The following TUT4 variants were observed in gnomAD, a reference collection of about 807,000 sequenced individuals.
TUT4 encodes the protein terminal uridylyltransferase 4.
In TUT4, 36 loss-of-function variants were observed where a neutral mutation model predicts 192.2. The observed-to-expected ratio is 0.19, with a 90% CI of 0.14 to 0.25. TUT4 has a LOEUF of 0.25. TUT4 is among the 10% of genes least tolerant of loss of function. The pLI is 1.00. For missense variants in TUT4, 1,493 were observed against 1,957.2 expected (o/e 0.76, Z 4.47); for synonymous variants, 618 against 666.0 (o/e 0.93, Z 1.11).
intron 29 of TUT4, chr1:52,424,790 TTAA>T (rs1478666261): frequency 5.9e-5 from 9 of 152,264 alleles, no homozygotes; most frequent in Non-Finnish European, 1.3e-4. Context: ...CTAAAAACCT[TTAA>T]TTAGGTCCCC....
In TUT4 at chr1:52,543,034, C is replaced by T. The variant is rs147033804; in HGVS notation, c.-94+9897G>A. Among the ~76,000 whole-genome samples the T allele has an allele frequency of 4.6e-3, 701 of 152,236 alleles. 3 individuals are homozygous for T. Among genetic ancestry groups the T allele is most frequent in the Admixed American group, 0.01 (155 of 15,290 alleles). Reference sequence around the variant, plus strand: ...CCTCCCAAAGTGCTGGGATTACAGGCGTGAGCCACCATGCCCGGCCTGTGT... The same window carrying T: ...CCTCCCAAAGTGCTGGGATTACAGGTGTGAGCCACCATGCCCGGCCTGTGT... On this transcript the variant is annotated intron_variant, in intron 1 of 29. Transcript: ENST00000257177.
intron 12 of TUT4, among the ~76,000 whole-genome samples, chr1:52,476,699 T>C (rs1279035768): frequency 2.0e-5 from 3 of 152,194 alleles, no homozygotes; most frequent in Non-Finnish European, 2.9e-5. Flanking sequence ...CTGGCAGGCT[T>C]CAGAGCTCAT....
rs769838040 is a variant in TUT4, at chr1:52,438,359, TAGG to T, written c.3823-27_3823-25del. ...TCCTAGGGAGAAAATGCAATTTTAC[TAGG>T]AGGAATCACTATAAAACTTTTGAAT... is the stretch of plus-strand genomic sequence containing the variant. On this transcript the variant is annotated intron_variant, in intron 24 of 29. Coordinates refer to ENST00000257177, the MANE Select transcript of TUT4 (RefSeq NM_001009881.3). The T allele has an allele frequency of 2.1e-5, 33 of 1,547,724 alleles. No homozygotes were observed. In the East Asian group the frequency reaches 6.8e-4, roughly 32 times the overall value.
chr1:52,486,151 TCTG>T (rs1356361648), intron 9 of TUT4, among the ~76,000 whole-genome samples: 1 of 152,150 alleles, frequency 6.6e-6, no homozygotes, highest in Admixed American at 6.5e-5. Flanking sequence ...GTCAATATAT[TCTG>T]CTAACATTAC....
At chr1:52,495,744 A>C (rs1672295121) in intron 5 of TUT4, among the ~76,000 whole-genome samples, 1 of 152,174 alleles carries the variant, frequency 6.6e-6, no homozygotes, top group Non-Finnish European at 1.5e-5. Flanking sequence ...ACAGAAGCTT[A>C]CTGTTTAAAC....
chr1:52,469,160 A>G (rs1018363957), intron 14 of TUT4, among the ~76,000 whole-genome samples: 6 of 152,234 alleles, frequency 3.9e-5, no homozygotes, highest in African/African-American at 1.4e-4. Flanking sequence ...TTTGCAGCAC[A>G]AAGAGTGAGC....
In TUT4 at chr1:52,463,616, T is replaced by G. The variant is rs187363861; in HGVS notation, c.3069+1454A>C. The G allele has an allele frequency of 4.6e-6, 6 of 1,297,590 alleles. No homozygotes were observed. The African/African-American group carries it at 9.1e-5, about 20-fold the overall frequency. 80.4% of individuals were successfully genotyped at this position (1,297,590 alleles called of 1,614,324 possible). On this transcript the variant is annotated intron_variant, in intron 16 of 29. Coordinates refer to ENST00000257177, the MANE Select transcript of TUT4 (RefSeq NM_001009881.3). ...CCAATCTTGCAAACAGTCCCGCATTTTGAAACATAAATAACAATAGCTAGG... is the reference window on the plus strand; with the variant it reads ...CCAATCTTGCAAACAGTCCCGCATTGTGAAACATAAATAACAATAGCTAGG...
chr1:52,464,686 A>C (rs1663617792), intron 16 of TUT4, among the ~76,000 whole-genome samples: 1 of 152,234 alleles, frequency 6.6e-6, no homozygotes, highest in African/African-American at 2.4e-5. Context: ...ATAGTAACAC[A>C]AAGACATCAT....
chr1:52,529,405 T>C (rs1682743451), intron 1 of TUT4, among the ~76,000 whole-genome samples: 3 of 152,218 alleles, frequency 2.0e-5, no homozygotes, highest in Admixed American at 6.5e-5. Context: ...TCAAAACATA[T>C]GACTATTTCT....
At chr1:52,471,820 T>C in intron 14 of TUT4, 132 bp downstream of exon 14, 1 of 895,882 alleles carries the variant, frequency 1.1e-6, no homozygotes, top group Non-Finnish European at 1.6e-6. Flanking sequence ...TTAGTAAATA[T>C]CTGTGCTTGG....
At chr1:52,448,869 T>A (rs1014174984) in intron 20 of TUT4, among the ~76,000 whole-genome samples, 2 of 152,244 alleles carry the variant, frequency 1.3e-5, no homozygotes, top group East Asian at 3.8e-4. Context: ...TGATTGTTTT[T>A]AAGAGATTTC....
Position 52,423,888 on chromosome 1 carries a change from C to T in TUT4, c.*47G>A, listed in dbSNP as rs1314951434. ...GATACCCTTGAGACAGCAGGATTGGCTGGTTGCTGTGCATCGGTAGACCAG... is the reference window on the plus strand; with the variant it reads ...GATACCCTTGAGACAGCAGGATTGGTTGGTTGCTGTGCATCGGTAGACCAG... On this transcript the variant is annotated 3_prime_UTR_variant, in exon 30 of 30. Coordinates refer to ENST00000257177, the MANE Select transcript of TUT4 (RefSeq NM_001009881.3). 1 of 1,601,150 alleles carries T rather than the reference C, an allele frequency of 6.2e-7. No individual in the cohort carries two copies. Among genetic ancestry groups the T allele is most frequent in the Admixed American group, 1.7e-5 (1 of 57,980 alleles).
intron 1 of TUT4, among the ~76,000 whole-genome samples, chr1:52,543,006 C>T (rs964825111): frequency 6.6e-6 from 1 of 152,170 alleles, no homozygotes. Context: ...CCACCCACCT[C>T]AGCCTCCCAA....
chr1:52,542,839 G>A (rs933339761), intron 1 of TUT4, among the ~76,000 whole-genome samples: 3 of 151,406 alleles, frequency 2.0e-5, no homozygotes, highest in South Asian at 2.1e-4. Context: ...TCGGCTCACC[G>A]CAACCTCCGC....
At chr1:52,443,064 ACC>A in intron 24 of TUT4, among the ~76,000 whole-genome samples, 1 of 151,662 alleles carries the variant, frequency 6.6e-6, no homozygotes, top group Non-Finnish European at 1.5e-5. Flanking sequence ...CAGGTGGATC[ACC>A]TAAGGTCCGG....
intron 13 of TUT4, 46 bp from the exon 14 acceptor site, chr1:52,472,148 A>C: frequency 6.4e-7 from 1 of 1,563,890 alleles, no homozygotes; most frequent in Non-Finnish European, 8.7e-7. Context: ...CTTTTGAGGG[A>C]CTTCATCACT....
chr1:52,525,152 TG>T (rs1681387023), intron 2 of TUT4, among the ~76,000 whole-genome samples: 1 of 129,092 alleles, frequency 7.7e-6, no homozygotes, highest in African/African-American at 5.0e-5. Flanking sequence ...TGGGTTTTTT[TG>T]TTTGTTTGTT....
At chr1:52,442,492 G>A (rs1341570534) in intron 24 of TUT4, among the ~76,000 whole-genome samples, 1 of 152,168 alleles carries the variant, frequency 6.6e-6, no homozygotes, top group Non-Finnish European at 1.5e-5. Context: ...TACAGGTTGA[G>A]AATCCCTTAT....
chr1:52,480,658 A>G (rs1259469109), intron 11 of TUT4, among the ~76,000 whole-genome samples: 1 of 152,194 alleles, frequency 6.6e-6, no homozygotes, highest in Non-Finnish European at 1.5e-5. Flanking sequence ...TTATGAGGGA[A>G]TAATTGCTAG....
Sources: allele counts gnomAD v4.1 joint callset (sites outside exome capture counted in the v4.1 genomes callset), GRCh38; gene constraint gnomAD v4.1.1; transcripts MANE v1.5; gene names NCBI Gene and HGNC (gene_info 2026-07-23, HGNC 2026-07-21).